Variants in TNKS observed in about 807,000 individuals in gnomAD.
TNKS encodes the protein tankyrase, also known as poly [ADP-ribose] polymerase tankyrase-1.
In TNKS, 72 loss-of-function variants were observed where a neutral mutation model predicts 135.8. The observed-to-expected ratio is 0.53, with a 90% CI of 0.44 to 0.64. The LOEUF (loss-of-function observed/expected upper bound fraction) is 0.64, where lower values mean the gene tolerates loss of function less well. Ranked by LOEUF, TNKS falls within the 30% of genes least tolerant of loss-of-function variation. The pLI is 0.00. For synonymous variants in TNKS, 849 were observed against 649.3 expected (o/e 1.31, Z -4.68); for missense variants, 1,769 against 1,674.0 (o/e 1.06, Z -0.99).
intron 3 of TNKS, among the ~76,000 whole-genome samples, chr8:9,627,193 G>A (rs1403633983): frequency 2.6e-5 from 4 of 152,166 alleles, no homozygotes; most frequent in African/African-American, 9.7e-5. Context: ...CTCCAGGGAT[G>A]GCATGGAAGC....
intron 12 of TNKS, 113 bp downstream of exon 12, chr8:9,720,658 C>T (rs1243051783): frequency 4.0e-6 from 5 of 1,265,814 alleles, no homozygotes; most frequent in East Asian, 2.8e-5. Context: ...CATGTCTTTT[C>T]TTGCAATTTA....
At chr8:9,776,034 C>G (rs976897857) in intron 26 of TNKS, among the ~76,000 whole-genome samples, 1 of 151,974 alleles carries the variant, frequency 6.6e-6, no homozygotes, top group East Asian at 1.9e-4. Flanking sequence ...ATTCCAGACA[C>G]AGCCTTGTGT....
At chr8:9,581,428 C>T (rs1334280022) in intron 2 of TNKS, among the ~76,000 whole-genome samples, 1 of 152,180 alleles carries the variant, frequency 6.6e-6, no homozygotes. Flanking sequence ...CTGACTCTCC[C>T]ATTTCCTCCT....
At chr8:9,670,066 G>T (rs1802203560) in intron 3 of TNKS, 1 of 152,160 alleles carries the variant, frequency 6.6e-6, no homozygotes, top group Non-Finnish European at 1.5e-5. Flanking sequence ...ATGGGCTATT[G>T]TGATGTCATG....
chr8:9,706,997 T>C lies in TNKS; in HGVS notation c.1456T>C (p.Tyr486His), dbSNP rs1198214986. 1 of 1,567,848 alleles carries C rather than the reference T, an allele frequency of 6.4e-7. No homozygotes were observed. The highest frequency in any genetic ancestry group is 8.6e-7 in the Non-Finnish European group (1 of 1,158,410). Residue 486 changes from tyrosine to histidine, a missense_variant and splice_region_variant, in exon 8 of 27, where the codon TAT becomes CAT. By Grantham distance (83) the Tyr-to-His change is moderately conservative (BLOSUM62 2). Coordinates refer to ENST00000310430, the MANE Select transcript of TNKS (RefSeq NM_003747.3). ...TCCGGAGCTTAGGGAGAGATTGACTTGTACGTATTTATATCCCGAAATCAT... is the reference window on the plus strand; with the variant it reads ...TCCGGAGCTTAGGGAGAGATTGACTCGTACGTATTTATATCCCGAAATCAT... ...PTPELRERLT[Y>H]EFKGHSLLQA...
Position 9,761,410 on chromosome 8 carries a change from T to G in TNKS, c.3154-106T>G. 5 of 1,214,658 alleles carry G rather than the reference T, an allele frequency of 4.1e-6. No homozygotes were observed. The South Asian group carries it at 5.8e-5, about 14-fold the overall frequency. The allele number at this position is 1,214,658 out of a possible 1,614,324, so 75.2% of individuals were successfully genotyped here. On this transcript the variant is annotated intron_variant, in intron 20 of 26. Transcript: ENST00000310430. Reference sequence around the variant, plus strand: ...CATGTTTATAAAGGGAACAAAAGAATTTTCTTAATTTGAATGGTACTCGTA... The same window carrying G: ...CATGTTTATAAAGGGAACAAAAGAAGTTTCTTAATTTGAATGGTACTCGTA...
intron 3 of TNKS, among the ~76,000 whole-genome samples, chr8:9,676,000 G>C (rs921405857): frequency 6.7e-6 from 1 of 149,482 alleles, no homozygotes; most frequent in Non-Finnish European, 1.5e-5. Flanking sequence ...AAAGAGAAAA[G>C]TCAGAATTTT....
chr8:9,665,009 A>G (rs577361104), intron 3 of TNKS, among the ~76,000 whole-genome samples: 6 of 152,228 alleles, frequency 3.9e-5, no homozygotes, highest in African/African-American at 1.4e-4. Flanking sequence ...ACTACATCGT[A>G]TAAGGATGTT....
intron 3 of TNKS, among the ~76,000 whole-genome samples, chr8:9,627,555 G>C (rs1390245696): frequency 6.6e-6 from 1 of 150,704 alleles, no homozygotes; most frequent in Non-Finnish European, 1.5e-5. Context: ...TTGCTTGCTT[G>C]CTTGCTTGCT....
intron 12 of TNKS, among the ~76,000 whole-genome samples, chr8:9,720,925 A>G (rs2128812772): frequency 6.6e-6 from 1 of 152,306 alleles, no homozygotes; most frequent in African/African-American, 2.4e-5. Context: ...AAATTCTGAC[A>G]TACTTTTAAA....
Position 9,778,060 on chromosome 8 carries a change from A to C in TNKS, c.*1324A>C, listed in dbSNP as rs1300496369. 6.6e-6 allele frequency: 1 copy of C among 152,630 alleles called. No homozygotes were observed. The highest frequency in any genetic ancestry group is 1.5e-5 in the Non-Finnish European group (1 of 68,032). The allele number at this position is 152,630 out of a possible 1,614,324, so 9.5% of individuals were successfully genotyped here. A position where few individuals can be genotyped will look rare whatever the true frequency, so the allele number is the denominator to read the frequency against. ...GCCCTTTCTGTTATTTTTTCAATGA[A>C]GGTGAGAAAGAAATACCATACAATT... On this transcript the variant is annotated 3_prime_UTR_variant, in exon 27 of 27. Transcript: ENST00000310430.
intron 25 of TNKS, among the ~76,000 whole-genome samples, chr8:9,766,801 G>C (rs948417637): frequency 6.6e-6 from 1 of 152,038 alleles, no homozygotes; most frequent in Non-Finnish European, 1.5e-5. Context: ...GGTTTATCAG[G>C]CTCTGCAGAA....
chr8:9,763,373 G>A, intron 22 of TNKS, 129 bp downstream of exon 22: 1 of 462,434 alleles, frequency 2.2e-6, no homozygotes, highest in Non-Finnish European at 3.6e-6. Flanking sequence ...CTTAGCCACT[G>A]TGGTAGAATA....
intron 1 of TNKS, among the ~76,000 whole-genome samples, chr8:9,564,886 C>A (rs536595021): frequency 8.5e-4 from 129 of 152,122 alleles, no homozygotes; most frequent in Non-Finnish European, 5.6e-4. Flanking sequence ...AAGAAACATT[C>A]AGAAATGGAC....
At chr8:9,720,583 C>A in intron 12 of TNKS, 38 bp downstream of exon 12, 1 of 1,571,036 alleles carries the variant, frequency 6.4e-7, no homozygotes, top group Non-Finnish European at 8.6e-7. Flanking sequence ...TTTATGTTTT[C>A]TCTTCCATCC....
intron 3 of TNKS, among the ~76,000 whole-genome samples, chr8:9,675,688 T>G (rs991273138): frequency 2.0e-5 from 3 of 152,246 alleles, no homozygotes; most frequent in Non-Finnish European, 4.4e-5. Flanking sequence ...GTTGTTTGAT[T>G]GTTATTACTA....
At chr8:9,772,709 G>C (rs1807983772) in intron 26 of TNKS, among the ~76,000 whole-genome samples, 1 of 151,862 alleles carries the variant, frequency 6.6e-6, no homozygotes, top group Non-Finnish European at 1.5e-5. Context: ...AAGGCAATAT[G>C]TCTATGCTTA....
intron 5 of TNKS, among the ~76,000 whole-genome samples, chr8:9,702,478 T>C (rs1803854331): frequency 6.6e-6 from 1 of 152,150 alleles, no homozygotes; most frequent in Non-Finnish European, 1.5e-5. Context: ...TTTCTAGGCT[T>C]GAAACAAAGC....
chr8:9,584,863 A>T (rs956231182), intron 2 of TNKS, among the ~76,000 whole-genome samples: 1 of 152,316 alleles, frequency 6.6e-6, no homozygotes, highest in South Asian at 2.1e-4. Context: ...GCTGGCGTCC[A>T]CAGCAAATCA....
Sources: gnomAD v4.1 joint callset for allele counts (sites outside exome capture counted in the v4.1 genomes callset) on GRCh38, gnomAD v4.1.1 for gene constraint, MANE v1.5 for transcripts, NCBI Gene and HGNC (gene_info 2026-07-23, HGNC 2026-07-21) for gene names.